The following CNOT6L variants were observed in gnomAD, a reference collection of about 807,000 sequenced individuals.
CNOT6L encodes CCR4-NOT transcription complex subunit 6 like.
In CNOT6L, 7 loss-of-function variants were observed where a neutral mutation model predicts 64.0. The ratio of observed to expected loss-of-function variants is 0.11; its 90% CI spans 0.06 to 0.21. CNOT6L has a LOEUF of 0.21. Ranked by LOEUF, CNOT6L falls within the 10% of genes least tolerant of loss-of-function variation. The pLI is 1.00. For missense variants in CNOT6L, 245 were observed against 669.0 expected, an observed-to-expected ratio of 0.37 and a Z score of 6.99; for synonymous variants, 193 against 243.4, an observed-to-expected ratio of 0.79 and a Z score of 1.93.
intron 8 of CNOT6L, among the ~76,000 whole-genome samples, chr4:77,733,278 GT>G (rs1210744864): frequency 2.0e-5 from 3 of 151,928 alleles, no homozygotes; most frequent in Non-Finnish European, 4.4e-5. Flanking sequence ...TTTTGTTTTG[GT>G]TACAGAGTAT....
chr4:77,804,414 G>A (rs1029641690), intron 1 of CNOT6L, among the ~76,000 whole-genome samples: 4 of 147,106 alleles, frequency 2.7e-5, no homozygotes, highest in Non-Finnish European at 3.0e-5. Context: ...GGGTGATGCA[G>A]CAAGACCCCA....
chr4:77,817,206 T>A (rs1234339135), intron 1 of CNOT6L, among the ~76,000 whole-genome samples: 1 of 152,048 alleles, frequency 6.6e-6, no homozygotes, highest in South Asian at 2.1e-4. Flanking sequence ...TGAGAGATGG[T>A]CTATTTGAAA....
intron 1 of CNOT6L, among the ~76,000 whole-genome samples, chr4:77,788,675 C>G (rs1729742759): frequency 6.6e-6 from 1 of 152,052 alleles, no homozygotes; most frequent in Admixed American, 6.6e-5. Flanking sequence ...CTGCAGTGAG[C>G]CAAGATTATG....
chr4:77,813,199 T>C (rs1044386085), intron 1 of CNOT6L, among the ~76,000 whole-genome samples: 1 of 152,118 alleles, frequency 6.6e-6, no homozygotes, highest in Non-Finnish European at 1.5e-5. Flanking sequence ...TAATTCAAAA[T>C]GGATCAAAGA....
In CNOT6L at chr4:77,714,109, T is replaced by C. The variant is rs551085629; in HGVS notation, c.*6322A>G. 355 of 152,690 alleles carry C rather than the reference T, an allele frequency of 2.3e-3. 1 individual carries two copies. Among genetic ancestry groups the C allele is most frequent in the Non-Finnish European group, 3.7e-3 (253 of 68,014 alleles). The allele number at this position is 152,690 out of a possible 1,614,324, so 9.5% of individuals were successfully genotyped here. On this transcript the variant is annotated 3_prime_UTR_variant, in exon 12 of 12. Transcript: ENST00000504123. ...ACCAAGTATTCAGGGAAAAAGTTAC[T>C]AAAACACCTTGCTTGGTTTTACAGT...
intron 1 of CNOT6L, among the ~76,000 whole-genome samples, chr4:77,797,578 A>G (rs1731010316): frequency 6.6e-6 from 1 of 152,224 alleles, no homozygotes; most frequent in Non-Finnish European, 1.5e-5. Context: ...CCCAAAGCAC[A>G]AGAGTAGTGA....
At chr4:77,724,086 CCT>C (rs1721575671) in intron 11 of CNOT6L, among the ~76,000 whole-genome samples, 1 of 151,440 alleles carries the variant, frequency 6.6e-6, no homozygotes, top group African/African-American at 2.4e-5. Context: ...ATGGTGAAAC[CCT>C]GTCTCTACCA....
At chr4:77,790,904 C>T (rs1730071522) in intron 1 of CNOT6L, among the ~76,000 whole-genome samples, 1 of 151,502 alleles carries the variant, frequency 6.6e-6, no homozygotes, top group Non-Finnish European at 1.5e-5. Flanking sequence ...TCGTGATCCA[C>T]CCGCCTCGGC....
At position 77,753,359 on chromosome 4, in the gene CNOT6L, C is replaced by T. The variant is rs116155316; in HGVS notation, c.490+3503G>A. Among the ~76,000 whole-genome samples the T allele has an allele frequency of 8.7e-3, 1,328 of 152,100 alleles. 21 individuals are homozygous for T. The highest frequency in any genetic ancestry group is 0.03 in the African/African-American group (1,248 of 41,492). Reference sequence around the variant, plus strand: ...AAAAGAAGTACTGGCCAATTTCAGTCATAAACACAGATGCAAAAAATCCTA... The same window carrying T: ...AAAAGAAGTACTGGCCAATTTCAGTTATAAACACAGATGCAAAAAATCCTA... On this transcript the variant is annotated intron_variant, in intron 5 of 11. Coordinates refer to ENST00000504123, the MANE Select transcript of CNOT6L (RefSeq NM_144571.3).
chr4:77,761,095 G>C (rs914915027), intron 4 of CNOT6L, among the ~76,000 whole-genome samples: 2 of 151,776 alleles, frequency 1.3e-5, no homozygotes, highest in African/African-American at 4.8e-5. Context: ...TTGAAAGACA[G>C]AAACTACCAA....
At chr4:77,798,825 A>AT (rs1298934607) in intron 1 of CNOT6L, among the ~76,000 whole-genome samples, 1 of 150,846 alleles carries the variant, frequency 6.6e-6, no homozygotes, top group Non-Finnish European at 1.5e-5. Context: ...TTCAATTAAA[A>AT]AAAAAAAATA....
chr4:77,779,939 G>C (rs959163413), intron 1 of CNOT6L, among the ~76,000 whole-genome samples: 2 of 152,124 alleles, frequency 1.3e-5, no homozygotes, highest in African/African-American at 2.4e-5. Flanking sequence ...ACTCCAGCCT[G>C]GGCAACAGAG....
At chr4:77,755,428 G>A (rs1335248007) in intron 5 of CNOT6L, among the ~76,000 whole-genome samples, 1 of 151,810 alleles carries the variant, frequency 6.6e-6, no homozygotes, top group East Asian at 1.9e-4. Context: ...GTGTTAGCCA[G>A]ATTGTCTCGA....
intron 6 of CNOT6L, among the ~76,000 whole-genome samples, chr4:77,745,289 T>C (rs1413625159): frequency 6.6e-6 from 1 of 152,218 alleles, no homozygotes; most frequent in East Asian, 1.9e-4. Flanking sequence ...TTGTGCCTCC[T>C]ACTGCTATCA....
intron 5 of CNOT6L, among the ~76,000 whole-genome samples, chr4:77,752,314 A>G (rs1724945619): frequency 6.6e-6 from 1 of 152,184 alleles, no homozygotes. Context: ...CAAACCTACC[A>G]TTTTGACATA....
chr4:77,754,417 A>T (rs570752140), intron 5 of CNOT6L, among the ~76,000 whole-genome samples: 8 of 152,334 alleles, frequency 5.3e-5, no homozygotes, highest in African/African-American at 1.9e-4. Context: ...TACTGAGAGA[A>T]ATTATAAAAA....
At chr4:77,724,892 C>CA in intron 11 of CNOT6L, among the ~76,000 whole-genome samples, 1 of 152,084 alleles carries the variant, frequency 6.6e-6, no homozygotes, top group Non-Finnish European at 1.5e-5. Flanking sequence ...GTGCTAGAGT[C>CA]AGCTAGTGCT....
intron 5 of CNOT6L, among the ~76,000 whole-genome samples, chr4:77,753,367 C>T (rs577500306): frequency 2.0e-5 from 3 of 152,124 alleles, no homozygotes; most frequent in South Asian, 4.2e-4. Context: ...GTCATAAACA[C>T]AGATGCAAAA....
chr4:77,802,697 T>C (rs1319113938), intron 1 of CNOT6L, among the ~76,000 whole-genome samples: 2 of 152,170 alleles, frequency 1.3e-5, no homozygotes, highest in Admixed American at 6.5e-5. Context: ...ATTATTGCAT[T>C]TAACTTAACC....
Sources: allele counts gnomAD v4.1 joint callset (sites outside exome capture counted in the v4.1 genomes callset), GRCh38; gene constraint gnomAD v4.1.1; transcripts MANE v1.5; gene names NCBI Gene and HGNC (gene_info 2026-07-23, HGNC 2026-07-21).